The following TRANK1 variants were observed in gnomAD, a reference collection of about 807,000 sequenced individuals.
TRANK1 encodes TPR and ankyrin repeat-containing protein 1.
Under a neutral mutation model 266.0 loss-of-function variants are expected in TRANK1, and 198 were observed. That is an observed-to-expected ratio of 0.74 (90% confidence interval 0.66 to 0.84). The LOEUF (loss-of-function observed/expected upper bound fraction) is 0.84. TRANK1 is among the 40% of genes least tolerant of loss of function. TRANK1 has a pLI of 0.00. For missense variants in TRANK1, 3,326 were observed against 3,634.6 expected (o/e 0.92, Z 2.18); for synonymous variants, 1,396 against 1,384.1 (o/e 1.01, Z -0.19).
At chr3:36,885,783 T>C (rs532633293) in intron 8 of TRANK1, among the ~76,000 whole-genome samples, 4 of 152,010 alleles carry the variant, frequency 2.6e-5, no homozygotes, top group African/African-American at 9.7e-5. Flanking sequence ...CAAGTGATCC[T>C]CCTATCTTGG....
At chr3:36,839,619 A>G (rs1164286137) in intron 18 of TRANK1, among the ~76,000 whole-genome samples, 1 of 152,058 alleles carries the variant, frequency 6.6e-6, no homozygotes, top group Non-Finnish European at 1.5e-5. Flanking sequence ...AACTTCATTC[A>G]TTCTACAGGT....
chr3:36,932,877 G>A (rs1052625693), intron 1 of TRANK1, among the ~76,000 whole-genome samples: 2 of 152,088 alleles, frequency 1.3e-5, no homozygotes, highest in East Asian at 3.8e-4. Flanking sequence ...GCAGCCCTAA[G>A]AAACTAATAC....
At position 36,838,486 on chromosome 3, in the gene TRANK1, A is replaced by G; in HGVS notation, c.5403T>C (p.Tyr1801=). 1.2e-6 allele frequency: 2 copies of G among 1,614,042 alleles called. No homozygotes were observed. The highest frequency in any genetic ancestry group is 1.6e-4 in the Middle Eastern group (1 of 6,062). ...CCAAATAGGTCTTAGCCAATTCCAAATATTCCAACTGCTTTTCCCTAGGGG... is the reference window on the plus strand; with the variant it reads ...CCAAATAGGTCTTAGCCAATTCCAAGTATTCCAACTGCTTTTCCCTAGGGG... The part of the protein sequence containing the change: ...KVSPKEKQLE[Y]LELAKTYLEC... The change falls in exon 20 of 24, where the codon TAT becomes TAC. Residue 1801 remains tyrosine, a synonymous_variant. Transcript: ENST00000645898.
chr3:36,892,076 GA>G (rs2079705430), intron 7 of TRANK1, 125 bp downstream of exon 7: 1 of 1,168,286 alleles, frequency 8.6e-7, no homozygotes, highest in African/African-American at 1.6e-5. Flanking sequence ...TGAATAATCA[GA>G]TCATTTGAAT....
In TRANK1 at chr3:36,857,333, C is replaced by A. The variant is rs1384568623; in HGVS notation, c.2389G>T (p.Ala797Ser). 1 of 1,607,964 alleles carries A rather than the reference C, an allele frequency of 6.2e-7. No individual in the cohort carries two copies. ...TTATCATCAGGCACAAGCTGCAAGGCCCCAAGGCCCACCTGAGCATGTCCT... is the reference window on the plus strand; with the variant it reads ...TTATCATCAGGCACAAGCTGCAAGGACCCAAGGCCCACCTGAGCATGTCCT... ...GEGHAQVGLG[A>S]LQLVPDDNRG... The change falls in exon 13 of 24, where the codon GCC (alanine) becomes TCC (serine). Residue 797 changes from alanine (A) to serine (S), a missense_variant. Transcript: ENST00000645898. The surrounding 1 kb of genome is among the most constrained non-coding windows in gnomAD (Gnocchi z 4.3).
At chr3:36,885,046 A>G (rs2079583325) in intron 8 of TRANK1, among the ~76,000 whole-genome samples, 1 of 152,200 alleles carries the variant, frequency 6.6e-6, no homozygotes, top group South Asian at 2.1e-4. Context: ...CTACCAATAG[A>G]TACCAAAATT....
At chr3:36,897,706 T>A (rs1253061574) in intron 4 of TRANK1, among the ~76,000 whole-genome samples, 1 of 152,258 alleles carries the variant, frequency 6.6e-6, no homozygotes, top group African/African-American at 2.4e-5. Flanking sequence ...ATCTCTGAAA[T>A]CAGGATGTCT....
rs2078729911 is a variant in TRANK1, at chr3:36,833,697, T to C, written c.5886A>G (p.Arg1962=). ...GCTTCATCAGCAGGGCAGCCTCTTC[T>C]CTCCTACCTTCCCTGTTCAGCAGGT... ...AADLLNREGR[R]EEAALLMKQH... The change falls in exon 22 of 24, where the codon AGA becomes AGG. Residue 1962 remains arginine (R), a synonymous_variant. Coordinates refer to ENST00000645898, the MANE Select transcript of TRANK1 (RefSeq NM_001329998.2). 1.9e-6 allele frequency: 3 copies of C among 1,614,012 alleles called. No homozygotes were observed. Among genetic ancestry groups the C allele is most frequent in the Non-Finnish European group, 2.5e-6 (3 of 1,179,882 alleles).
chr3:36,918,556 A>T lies in TRANK1; in HGVS notation c.24-10102T>A, dbSNP rs1329832473. 3.2e-3 allele frequency among the ~76,000 whole-genome samples: 136 copies of T among 42,014 alleles called. 1 individual carries two copies. The highest frequency in any genetic ancestry group is 0.026 in the Middle Eastern group (3 of 114). The allele number at this position is 42,014 out of a possible 152,430, so 27.6% of individuals were successfully genotyped here. On this transcript the variant is annotated intron_variant, in intron 1 of 23. Transcript: ENST00000645898. ...GAAGGAAGGAAGGAAGGAAGGAAGG[A>T]AGGAAGGTAGGAAGGAAGGAAGGAA...
intron 6 of TRANK1, 44 bp downstream of exon 6, chr3:36,892,857 A>ATATATC: frequency 1.4e-6 from 1 of 711,426 alleles, no homozygotes. Context: ...CAAAACATAT[A>ATATATC]TATATATATA....
Position 36,857,364 on chromosome 3 carries a change from C to G in TRANK1, c.2358G>C (p.Val786=), listed in dbSNP as rs747012190. ...GGCCCACCTGAGCATGTCCTTCCCC[C>G]ACCTCACTACAGTCAGGGGCCCCTG... ...LGAGAPDCSE[V]GEGHAQVGLG... Residue 786 remains valine (V), a synonymous_variant, in exon 13 of 24, where the codon GTG becomes GTC. Coordinates refer to ENST00000645898, the MANE Select transcript of TRANK1 (RefSeq NM_001329998.2). This position sits in a 1 kb window ranked among gnomAD's most constrained non-coding sequence, Gnocchi z 4.3. 1.2e-6 allele frequency: 2 copies of G among 1,607,082 alleles called. No individual in the cohort carries two copies. The highest frequency in any genetic ancestry group is 1.1e-5 in the South Asian group (1 of 89,720).
chr3:36,829,581 GTC>G lies in TRANK1; in HGVS notation c.8790_8791del (p.Glu2930AspfsTer13). 6.2e-7 allele frequency: 1 copy of G among 1,613,934 alleles called. No homozygotes were observed. The highest frequency in any genetic ancestry group is 1.6e-4 in the Middle Eastern group (1 of 6,062). Reference sequence around the variant, plus strand: ...CTCCTTACCTTCCTTCTTTAAGCGGGTCTCTGTTTTCATCAACCAGTCTCGTG... The same window carrying G: ...CTCCTTACCTTCCTTCTTTAAGCGGGTCTGTTTTCATCAACCAGTCTCGTG... On this transcript the variant is annotated frameshift_variant, in exon 23 of 24. Coordinates refer to ENST00000645898, the MANE Select transcript of TRANK1 (RefSeq NM_001329998.2). LOFTEE classifies it high-confidence loss of function.
In TRANK1 at chr3:36,857,658, C is replaced by A; in HGVS notation, c.2064G>T (p.Val688=). Residue 688 remains valine (V), a synonymous_variant, in exon 13 of 24, where the codon GTG becomes GTT. Coordinates refer to ENST00000645898, the MANE Select transcript of TRANK1 (RefSeq NM_001329998.2). The surrounding 1 kb of genome is among the most constrained non-coding windows in gnomAD (Gnocchi z 4.3). Reference sequence around the variant, plus strand: ...GTGTTCTGGCAGTGGCACCACATGGCACTGACTTGAATGAACCCTGGGACT... The same window carrying A: ...GTGTTCTGGCAGTGGCACCACATGGAACTGACTTGAATGAACCCTGGGACT... ...QLKSQGSFKS[V]PCGATARTLP... is the part of the protein sequence containing the mutation. The A allele has an allele frequency of 6.2e-7, 1 of 1,614,022 alleles. No individual in the cohort carries two copies. Among genetic ancestry groups the A allele is most frequent in the Non-Finnish European group, 8.5e-7 (1 of 1,179,886 alleles).
At chr3:36,880,151 T>A (rs1052851899) in intron 8 of TRANK1, 1 of 74,740 alleles carries the variant, frequency 1.3e-5, no homozygotes, top group South Asian at 4.3e-4. Flanking sequence ...TAAACATAAA[T>A]ATATATATAT....
intron 20 of TRANK1, 49 bp from the exon 21 acceptor site, chr3:36,834,956 T>C: frequency 1.3e-6 from 2 of 1,504,546 alleles, no homozygotes; most frequent in South Asian, 2.6e-5. Context: ...ATGATTAACT[T>C]TCTAATCTTA....
At chr3:36,830,206 T>C (rs921132411) in intron 22 of TRANK1, among the ~76,000 whole-genome samples, 2 of 151,976 alleles carry the variant, frequency 1.3e-5, no homozygotes, top group Non-Finnish European at 2.9e-5. Flanking sequence ...TCCCAGCTAC[T>C]TGGGAGGCTG....
intron 1 of TRANK1, among the ~76,000 whole-genome samples, chr3:36,911,474 A>AC (rs529245071): frequency 2.6e-4 from 40 of 152,238 alleles, no homozygotes; most frequent in African/African-American, 9.6e-4. Flanking sequence ...CAAAAAAAAA[A>AC]CTCTTCATTT....
At chr3:36,847,440 G>A in intron 15 of TRANK1, 94 bp from the exon 16 acceptor site, 1 of 1,402,860 alleles carries the variant, frequency 7.1e-7, no homozygotes, top group Admixed American at 2.2e-5. Context: ...AGCCTCATCG[G>A]GGGACCAGGC....
intron 1 of TRANK1, among the ~76,000 whole-genome samples, chr3:36,933,097 C>G (rs2080381567): frequency 6.6e-6 from 1 of 152,172 alleles, no homozygotes; most frequent in South Asian, 2.1e-4. Context: ...AGTACTAGCT[C>G]ACATTCCTTT....
Sources: allele counts gnomAD v4.1 joint callset (sites outside exome capture counted in the v4.1 genomes callset), GRCh38; gene constraint gnomAD v4.1.1; non-coding constraint Gnocchi (gnomAD v3.1); transcripts MANE v1.5; gene names NCBI Gene and HGNC (gene_info 2026-07-23, HGNC 2026-07-21).